Variants in INO80C observed in about 807,000 individuals in gnomAD.
INO80C encodes IES6 homolog.
In INO80C, 17 loss-of-function variants were observed where a neutral mutation model predicts 17.7. The ratio of observed to expected loss-of-function variants is 0.96; its 90% CI spans 0.66 to 1.44. The LOEUF (loss-of-function observed/expected upper bound fraction) is 1.44, where lower values mean the gene tolerates loss of function less well. Among genes scored for constraint, INO80C ranks in the 40% most tolerant of loss-of-function variants. The probability of loss-of-function intolerance (pLI) is 0.00; values close to 1 mark genes in which losing one functional copy is unlikely to be tolerated. For missense variants in INO80C, 244 were observed against 245.0 expected, an observed-to-expected ratio of 1.00 and a Z score of 0.03; for synonymous variants, 96 against 95.8, an observed-to-expected ratio of 1.00 and a Z score of -0.01.
chr18:35,489,384 G>A lies in INO80C; in HGVS notation c.156+8335C>T, dbSNP rs149607379. On this transcript the variant is annotated intron_variant, in intron 1 of 4. Coordinates refer to ENST00000334598, the MANE Select transcript of INO80C (RefSeq NM_194281.4). ...AATCATGGTGGAAGGCGAAAGGCAC[G>A]TCTTACATGGCAGCAGGCAAGAGAG... 5.9e-3 allele frequency: 1,480 copies of A among 251,452 alleles called. 23 individuals carry two copies. The highest frequency in any genetic ancestry group is 0.021 in the South Asian group (556 of 26,312). The allele number at this position is 251,452 out of a possible 1,614,324, so 15.6% of individuals were successfully genotyped here.
intron 4 of INO80C, among the ~76,000 whole-genome samples, chr18:35,475,216 T>C (rs1235286822): frequency 6.6e-6 from 1 of 151,924 alleles, no homozygotes; most frequent in Non-Finnish European, 1.5e-5. Context: ...TACATAGAGA[T>C]GAACAAAGGT....
At chr18:35,497,470 C>A (rs1038308667) in intron 1 of INO80C, 5 of 1,286,764 alleles carry the variant, frequency 3.9e-6, no homozygotes, top group Non-Finnish European at 4.9e-6. Flanking sequence ...AGAGGCAGTC[C>A]TTCTATTAAT....
At position 35,497,899 on chromosome 18, in the gene INO80C, C is replaced by G; in HGVS notation, c.-25G>C. On this transcript the variant is annotated 5_prime_UTR_variant, in exon 1 of 5. Transcript: ENST00000334598. ...TCGCACTCCGAGTCTTCCCCTGGTC[C>G]CCCCACCTTTTTCCCAGCGCGGGCC... The G allele has an allele frequency of 6.6e-7, 1 of 1,509,976 alleles. No individual in the cohort carries two copies. The highest frequency in any genetic ancestry group is 8.9e-7 in the Non-Finnish European group (1 of 1,128,500). The allele number at this position is 1,509,976 out of a possible 1,614,324, so 93.5% of individuals were successfully genotyped here.
intron 1 of INO80C, chr18:35,497,491 TA>T: frequency 7.4e-7 from 1 of 1,346,184 alleles, no homozygotes; most frequent in Non-Finnish European, 9.5e-7. Flanking sequence ...ACTAAGTCAG[TA>T]ATAACCTCCC....
At position 35,497,942 on chromosome 18, in the gene INO80C, C is replaced by G; in HGVS notation, c.-68G>C. On this transcript the variant is annotated 5_prime_UTR_variant, in exon 1 of 5. Coordinates refer to ENST00000334598, the MANE Select transcript of INO80C (RefSeq NM_194281.4). ...CGCGGGCCTTGGAACTTCCTTTCCG[C>G]TGTTACTTCCGTCTTGATGCTTGAA... 1 of 1,438,244 alleles carries G rather than the reference C, an allele frequency of 7.0e-7. No homozygotes were observed. The highest frequency in any genetic ancestry group is 9.2e-7 in the Non-Finnish European group (1 of 1,086,232). 89.1% of individuals were successfully genotyped at this position (1,438,244 alleles called of 1,614,324 possible).
chr18:35,493,976 G>C (rs545740625), intron 1 of INO80C, among the ~76,000 whole-genome samples: 2 of 152,106 alleles, frequency 1.3e-5, no homozygotes, highest in African/African-American at 2.4e-5. Flanking sequence ...CCCACTAAGG[G>C]AACCTTGGGC....
intron 1 of INO80C, among the ~76,000 whole-genome samples, chr18:35,488,031 T>A (rs2045894627): frequency 6.6e-6 from 1 of 152,248 alleles, no homozygotes. Flanking sequence ...GTCACACTGA[T>A]GCAAGAAATG....
At chr18:35,486,425 T>C (rs1422930423) in intron 1 of INO80C, among the ~76,000 whole-genome samples, 1 of 152,122 alleles carries the variant, frequency 6.6e-6, no homozygotes, top group East Asian at 1.9e-4. Flanking sequence ...ATCCTAAAAT[T>C]AGATAGGATA....
chr18:35,479,261 T>C, intron 3 of INO80C, 39 bp downstream of exon 3: 1 of 1,266,752 alleles, frequency 7.9e-7, no homozygotes, highest in Non-Finnish European at 1.2e-6. Context: ...GTTCCTACTC[T>C]GAACATTACA....
chr18:35,482,574 C>T (rs368026883), intron 1 of INO80C, among the ~76,000 whole-genome samples: 4 of 152,090 alleles, frequency 2.6e-5, no homozygotes, highest in Admixed American at 6.5e-5. Flanking sequence ...CCTCTGTGGC[C>T]GCCACCTTCT....
At chr18:35,495,548 A>C (rs2045972447) in intron 1 of INO80C, among the ~76,000 whole-genome samples, 2 of 152,318 alleles carry the variant, frequency 1.3e-5, no homozygotes, top group African/African-American at 4.8e-5. Context: ...ATAGAGAGTT[A>C]AGATTTCCAC....
At position 35,497,843 on chromosome 18, in the gene INO80C, G is replaced by A; in HGVS notation, c.32C>T (p.Thr11Ile). 6.3e-7 allele frequency: 1 copy of A among 1,595,938 alleles called. No homozygotes were observed. The highest frequency in any genetic ancestry group is 1.7e-5 in the Admixed American group (1 of 58,058). The part of the protein sequence containing the change: MAAQIPIVAT[T>I]STPGIVRNSK... ...GTTCCGGACTATTCCGGGAGTGGAA[G>A]TGGTGGCCACAATTGGAATTTGCGC... The change falls in exon 1 of 5, where the codon ACT becomes ATT. Residue 11 changes from threonine to isoleucine, a missense_variant. Coordinates refer to ENST00000334598, the MANE Select transcript of INO80C (RefSeq NM_194281.4).
chr18:35,479,178 A>G, intron 3 of INO80C, 122 bp downstream of exon 3: 1 of 647,194 alleles, frequency 1.5e-6, no homozygotes, highest in East Asian at 2.7e-5. Flanking sequence ...ATGCCACTAT[A>G]AAATTCTCAA....
chr18:35,479,273 A>G, intron 3 of INO80C, 27 bp downstream of exon 3: 1 of 1,382,336 alleles, frequency 7.2e-7, no homozygotes, highest in South Asian at 1.2e-5. Flanking sequence ...AACATTACAA[A>G]CACATGGAAG....
chr18:35,478,458 GT>G, intron 3 of INO80C, 109 bp from the exon 4 acceptor site: 1 of 856,372 alleles, frequency 1.2e-6, no homozygotes, highest in Non-Finnish European at 1.8e-6. Context: ...AATTTCCTTT[GT>G]GATTAAGTAG....
In INO80C at chr18:35,486,583, G is replaced by T. The variant is rs535817061; in HGVS notation, c.157-6020C>A. The stretch of plus-strand genomic sequence containing the variant: ...GAAGGAATGAATAAAGCTAGTAGTG[G>T]ATTATAACCCATATAATAAAATAAA... On this transcript the variant is annotated intron_variant, in intron 1 of 4. Transcript: ENST00000334598. Among the ~76,000 whole-genome samples, 6 of 152,158 alleles carry T rather than the reference G, an allele frequency of 3.9e-5. No individual in the cohort carries two copies. The South Asian group carries it at 1.2e-3, about 32-fold the overall frequency.
intron 1 of INO80C, among the ~76,000 whole-genome samples, chr18:35,492,557 AT>A (rs2045942909): frequency 1.3e-5 from 2 of 152,132 alleles, no homozygotes; most frequent in Non-Finnish European, 2.9e-5. Context: ...AAAAAAGGTA[AT>A]TTTAAAAATA....
intron 4 of INO80C, among the ~76,000 whole-genome samples, chr18:35,474,771 A>C (rs1349009769): frequency 1.3e-5 from 2 of 152,200 alleles, no homozygotes; most frequent in Non-Finnish European, 2.9e-5. Flanking sequence ...AGAAATTAAA[A>C]ACACAATTAG....
intron 1 of INO80C, among the ~76,000 whole-genome samples, chr18:35,490,770 T>TGTC (rs2045926140): frequency 6.6e-6 from 1 of 151,916 alleles, no homozygotes; most frequent in Non-Finnish European, 1.5e-5. Context: ...TTGTTGTTGT[T>TGTC]GTTGAGATAG....
Sources: gnomAD v4.1 joint callset for allele counts (sites outside exome capture counted in the v4.1 genomes callset) on GRCh38, gnomAD v4.1.1 for gene constraint, MANE v1.5 for transcripts, NCBI Gene and HGNC (gene_info 2026-07-23, HGNC 2026-07-21) for gene names.